Variants in LAMP1 observed in about 807,000 individuals in gnomAD.
The protein encoded by LAMP1 is lysosome associated membrane protein 1.
A neutral mutation model predicts 37.5 loss-of-function variants in LAMP1; 7 were observed. The observed-to-expected ratio is 0.19, with a 90% CI of 0.11 to 0.35. LAMP1 has a LOEUF of 0.35. Ranked by LOEUF, LAMP1 falls within the 10% of genes least tolerant of loss-of-function variation. LAMP1 has a pLI of 1.00. For synonymous variants in LAMP1, 236 were observed against 229.1 expected, an observed-to-expected ratio of 1.03 and a Z score of -0.27; for missense variants, 537 against 552.8, an observed-to-expected ratio of 0.97 and a Z score of 0.29.
intron 2 of LAMP1, among the ~76,000 whole-genome samples, chr13:113,308,615 G>A (rs541407672): frequency 1.6e-4 from 24 of 152,050 alleles, no homozygotes; most frequent in African/African-American, 5.3e-4. Context: ...GTGGCCCAGC[G>A]TACCTGGTCT....
chr13:113,319,744 C>T, intron 5 of LAMP1, 88 bp downstream of exon 5: 1 of 1,254,366 alleles, frequency 8.0e-7, no homozygotes, highest in Non-Finnish European at 1.1e-6. Context: ...CGCGTCTCTG[C>T]ACGTCATGCT....
intron 2 of LAMP1, among the ~76,000 whole-genome samples, chr13:113,308,324 C>T (rs1239345247): frequency 1.2e-4 from 7 of 60,432 alleles, no homozygotes; most frequent in East Asian, 5.9e-4. Context: ...CCTCCAAGCA[C>T]TTTTTTTTTT....
chr13:113,318,239 G>A (rs964864460), intron 4 of LAMP1, among the ~76,000 whole-genome samples: 6 of 152,220 alleles, frequency 3.9e-5, no homozygotes, highest in Admixed American at 6.5e-5. Flanking sequence ...CATAGGCGAC[G>A]TTGCCTGTCT....
chr13:113,310,984 C>T lies in LAMP1; in HGVS notation c.562+117C>T. Reference sequence around the variant, plus strand: ...CTGGGCTCTGCCTGGAACGCGTGTGCACACAGCCGGCGACGTCTCTGCAGA... The same window carrying T: ...CTGGGCTCTGCCTGGAACGCGTGTGTACACAGCCGGCGACGTCTCTGCAGA... On this transcript the variant is annotated intron_variant, in intron 4 of 8. Transcript: ENST00000332556. 1.6e-5 allele frequency: 13 copies of T among 819,724 alleles called. No individual in the cohort carries two copies. The South Asian group carries it at 2.1e-4, about 13-fold the overall frequency. The allele number at this position is 819,724 out of a possible 1,614,324, so 50.8% of individuals were successfully genotyped here.
rs184939747 is a variant in LAMP1 at position 113,302,600 on chromosome 13, T to A, written c.62-3885T>A. Among the ~76,000 whole-genome samples the A allele has an allele frequency of 3.8e-4, 57 of 151,374 alleles. No homozygotes were observed. The East Asian group carries it at 9.3e-3, about 25-fold the overall frequency. On this transcript the variant is annotated intron_variant, in intron 1 of 8. Coordinates refer to ENST00000332556, the MANE Select transcript of LAMP1 (RefSeq NM_005561.4). ...TTTATTTTAATTCAAAAAAATTAAA[T>A]TTTTTTTTTAAGAGACAAGGTCTTG...
At chr13:113,315,924 G>A (rs977985206) in intron 4 of LAMP1, among the ~76,000 whole-genome samples, 7 of 151,900 alleles carry the variant, frequency 4.6e-5, no homozygotes, top group African/African-American at 9.7e-5. Flanking sequence ...CCAACATGGC[G>A]AAAACCCGTC....
chr13:113,309,217 C>G (rs2042616185), intron 2 of LAMP1, among the ~76,000 whole-genome samples: 1 of 152,138 alleles, frequency 6.6e-6, no homozygotes, highest in African/African-American at 2.4e-5. Context: ...CCTCCTGCCT[C>G]AGCCTCCTGA....
chr13:113,311,118 G>A (rs1471429020), intron 4 of LAMP1, among the ~76,000 whole-genome samples: 2 of 152,168 alleles, frequency 1.3e-5, no homozygotes, highest in Admixed American at 1.3e-4. Flanking sequence ...AGAGACAGAT[G>A]TTGTGTGGTC....
Position 113,320,545 on chromosome 13 carries a change from C to A in LAMP1, c.876+75C>A. On this transcript the variant is annotated intron_variant, in intron 6 of 8. Transcript: ENST00000332556. This position sits in a 1 kb window ranked among gnomAD's most constrained non-coding sequence, Gnocchi z 4.4. The stretch of plus-strand genomic sequence containing the variant: ...CATCTTTTTGTGCCCTGGGTCTGCT[C>A]ATGGGAGGCAGCGTTAGGAAGGAGG... 6.6e-7 allele frequency: 1 copy of A among 1,519,142 alleles called. No homozygotes were observed. The highest frequency in any genetic ancestry group is 1.1e-5 in the South Asian group (1 of 87,168). The allele number at this position is 1,519,142 out of a possible 1,614,324, so 94.1% of individuals were successfully genotyped here.
intron 3 of LAMP1, 79 bp downstream of exon 3, chr13:113,309,941 A>G: frequency 8.5e-7 from 1 of 1,176,914 alleles, no homozygotes; most frequent in Admixed American, 1.7e-5. Context: ...TTACCTAAGA[A>G]GTACAGGCTG....
Position 113,297,488 on chromosome 13 carries a change from G to C in LAMP1, c.54G>C (p.Leu18=). 8.0e-7 allele frequency: 1 copy of C among 1,253,806 alleles called. No homozygotes were observed. The highest frequency in any genetic ancestry group is 1.0e-6 in the Non-Finnish European group (1 of 1,001,808). The allele number at this position is 1,253,806 out of a possible 1,614,324, so 77.7% of individuals were successfully genotyped here. Residue 18 remains leucine (L), a synonymous_variant, in exon 1 of 9, where the codon CTG becomes CTC. Transcript: ENST00000332556. The surrounding 1 kb of genome is among the most constrained non-coding windows in gnomAD (Gnocchi z 4.4). The part of the protein sequence containing the change: ...RRPLLLLLLL[L]LLGLMHCASA... ...CCCTGCTGCTGCTACTGCTGTTGCT[G>C]CTGCTCGGTGAGGGGGTCGAGGCGG...
chr13:113,304,029 C>T (rs2042586409), intron 1 of LAMP1, among the ~76,000 whole-genome samples: 1 of 152,006 alleles, frequency 6.6e-6, no homozygotes, highest in African/African-American at 2.4e-5. Context: ...AGGGCTACTG[C>T]ACTCCAGCCT....
chr13:113,314,294 C>T (rs1391512875), intron 4 of LAMP1, among the ~76,000 whole-genome samples: 1 of 130,054 alleles, frequency 7.7e-6, no homozygotes, highest in Non-Finnish European at 1.6e-5. Flanking sequence ...GTGGAGATGT[C>T]GGTGTGCCTG....
Position 113,321,835 on chromosome 13 carries a change from T to C in LAMP1, c.1114+108T>C. The C allele has an allele frequency of 1.8e-6, 2 of 1,105,950 alleles. No individual in the cohort carries two copies. Among genetic ancestry groups the C allele is most frequent in the Admixed American group, 2.2e-5 (1 of 46,140 alleles). 68.5% of individuals were successfully genotyped at this position (1,105,950 alleles called of 1,614,324 possible). Reference sequence around the variant, plus strand: ...TGGGCTGGGGCGACGCCCCTGTTCCTCTGCAAGGAGCTGTTTCTTCTTGCC... The same window carrying C: ...TGGGCTGGGGCGACGCCCCTGTTCCCCTGCAAGGAGCTGTTTCTTCTTGCC... On this transcript the variant is annotated intron_variant, in intron 8 of 8. Transcript: ENST00000332556. This position sits in a 1 kb window ranked among gnomAD's most constrained non-coding sequence, Gnocchi z 5.6.
Position 113,321,505 on chromosome 13 carries a change from G to A in LAMP1, c.943+35G>A, listed in dbSNP as rs1566405034. ...CACAATCTCTGCGAGCCCCGCCCCC[G>A]CCCGCGCGCCCAGGGTATTCTGGAG... On this transcript the variant is annotated intron_variant, in intron 7 of 8. Coordinates refer to ENST00000332556, the MANE Select transcript of LAMP1 (RefSeq NM_005561.4). This position sits in a 1 kb window ranked among gnomAD's most constrained non-coding sequence, Gnocchi z 5.6. 1.3e-5 allele frequency: 20 copies of A among 1,576,162 alleles called. No homozygotes were observed. The highest frequency in any genetic ancestry group is 2.2e-5 in the East Asian group (1 of 44,446).
chr13:113,312,809 A>G (rs955002111), intron 4 of LAMP1, among the ~76,000 whole-genome samples: 8 of 152,300 alleles, frequency 5.3e-5, no homozygotes, highest in Admixed American at 3.3e-4. Context: ...AGGTGTGTTC[A>G]TGCTCTCAGA....
chr13:113,315,412 G>C (rs61966564), intron 4 of LAMP1, among the ~76,000 whole-genome samples: 18,041 of 116,520 alleles, frequency 0.15, 3,970 homozygotes, highest in African/African-American at 0.48. Flanking sequence ...TTTTTTGAGA[G>C]GGAGTCTTGC....
chr13:113,321,541 T>G lies in LAMP1; in HGVS notation c.944-16T>G. 1 of 1,613,268 alleles carries G rather than the reference T, an allele frequency of 6.2e-7. No homozygotes were observed. The highest frequency in any genetic ancestry group is 8.5e-7 in the Non-Finnish European group (1 of 1,179,678). ...CAGGGTATTCTGGAGCCACTAGACC[T>G]CTGTGTGTGTTGCAGACCCTGCCTT... is the stretch of plus-strand genomic sequence containing the variant. On this transcript the variant is annotated splice_polypyrimidine_tract_variant and intron_variant, in intron 7 of 8. Transcript: ENST00000332556. This position sits in a 1 kb window ranked among gnomAD's most constrained non-coding sequence, Gnocchi z 5.6.
At chr13:113,298,490 AGT>A (rs10576175) in intron 1 of LAMP1, among the ~76,000 whole-genome samples, 8,427 of 144,370 alleles carry the variant, frequency 0.058, 645 homozygotes, top group African/African-American at 0.17. Context: ...AAGCTGGGGG[AGT>A]GTGTGTGAGT....
Sources: allele counts gnomAD v4.1 joint callset (sites outside exome capture counted in the v4.1 genomes callset), GRCh38; gene constraint gnomAD v4.1.1; non-coding constraint Gnocchi (gnomAD v3.1); transcripts MANE v1.5; gene names NCBI Gene and HGNC (gene_info 2026-07-23, HGNC 2026-07-21).